The following PIK3CB variants were observed in gnomAD, a reference collection of about 807,000 sequenced individuals.
PIK3CB encodes phosphatidylinositol-4,5-bisphosphate 3-kinase catalytic subunit beta.
PIK3CB carries 39 observed loss-of-function variants against 136.8 expected under a neutral mutation model. The observed-to-expected ratio is 0.29, with a 90% CI of 0.22 to 0.37. The LOEUF (loss-of-function observed/expected upper bound fraction) is 0.37, where lower values mean the gene tolerates loss of function less well. Ranked by LOEUF, PIK3CB falls within the 10% of genes least tolerant of loss-of-function variation. The pLI is 1.00. For synonymous variants in PIK3CB, 428 were observed against 436.6 expected (o/e 0.98, Z 0.25); for missense variants, 868 against 1,275.4 (o/e 0.68, Z 4.87).
chr3:138,829,524 G>C (rs997690989), intron 1 of PIK3CB, among the ~76,000 whole-genome samples: 1 of 152,154 alleles, frequency 6.6e-6, no homozygotes, highest in Non-Finnish European at 1.5e-5. Flanking sequence ...TTGGCTGAGC[G>C]TACAGTGAGG....
At position 138,654,832 on chromosome 3, in the gene PIK3CB, T is replaced by C. The variant is rs1424738990; in HGVS notation, c.*557A>G. 4.7e-6 allele frequency: 1 copy of C among 210,844 alleles called. No homozygotes were observed. 13.1% of individuals were successfully genotyped at this position (210,844 alleles called of 1,614,324 possible). On this transcript the variant is annotated 3_prime_UTR_variant, in exon 24 of 24. Transcript: ENST00000674063. ...GGAATGATGCTATCATGGAAATAAA[T>C]ATTAACAAAAGAATTAATGAGTATC...
intron 1 of PIK3CB, among the ~76,000 whole-genome samples, chr3:138,801,987 G>A (rs752265790): frequency 4.0e-5 from 6 of 151,530 alleles, no homozygotes; most frequent in Admixed American, 6.6e-5. Context: ...AGGCTGCAGT[G>A]AACTATGATG....
chr3:138,704,902 G>A (rs1336636640), intron 11 of PIK3CB, among the ~76,000 whole-genome samples: 1 of 151,564 alleles, frequency 6.6e-6, no homozygotes, highest in African/African-American at 2.4e-5. Flanking sequence ...TAGAAGTAAC[G>A]ACAATATCTA....
At chr3:138,675,396 T>C (rs559551956) in intron 19 of PIK3CB, among the ~76,000 whole-genome samples, 1 of 152,100 alleles carries the variant, frequency 6.6e-6, no homozygotes, top group African/African-American at 2.4e-5. Flanking sequence ...AGAAAAAATA[T>C]ATGAAAAAAT....
In PIK3CB at chr3:138,801,061, G is replaced by A. The variant is rs548636419; in HGVS notation, c.-121-4494C>T. 2.0e-4 allele frequency among the ~76,000 whole-genome samples: 31 copies of A among 152,190 alleles called. 1 individual carries two copies. The South Asian group carries it at 6.4e-3, about 32-fold the overall frequency. On this transcript the variant is annotated intron_variant, in intron 1 of 23. Coordinates refer to ENST00000674063, the MANE Select transcript of PIK3CB (RefSeq NM_006219.3). ...TCTTTCTTCTTACTCAATTCATTAT[G>A]TAGGATGTAGCCTACTTATTACAGT...
At chr3:138,811,122 G>C (rs868309882) in intron 1 of PIK3CB, among the ~76,000 whole-genome samples, 1 of 151,048 alleles carries the variant, frequency 6.6e-6, no homozygotes, top group Middle Eastern at 3.4e-3. Context: ...AGTTACTCAG[G>C]AGGCTGAGGC....
At chr3:138,792,065 C>T (rs2046057333) in intron 2 of PIK3CB, among the ~76,000 whole-genome samples, 1 of 152,108 alleles carries the variant, frequency 6.6e-6, no homozygotes, top group South Asian at 2.1e-4. Context: ...CCTGGTGGTG[C>T]ATGCCTGTAA....
chr3:138,688,728 A>G, intron 16 of PIK3CB, 147 bp downstream of exon 16: 1 of 556,470 alleles, frequency 1.8e-6, no homozygotes, highest in Non-Finnish European at 3.3e-6. Flanking sequence ...CTTCTATGAA[A>G]TAATGTGGTG....
At chr3:138,775,978 A>C (rs921261164) in intron 2 of PIK3CB, among the ~76,000 whole-genome samples, 1 of 152,196 alleles carries the variant, frequency 6.6e-6, no homozygotes, top group Non-Finnish European at 1.5e-5. Context: ...TGGGTGGATC[A>C]CCTGAGGTCA....
chr3:138,656,188 G>GCAGT lies in PIK3CB; in HGVS notation c.3025_3028dup (p.Ala1010AspfsTer6). On this transcript the variant is annotated frameshift_variant, in exon 23 of 24. Coordinates refer to ENST00000674063, the MANE Select transcript of PIK3CB (RefSeq NM_006219.3). LOFTEE classifies it high-confidence loss of function. ...GACTGATGTGAGTTCAGGAAGCCCT[G>GCAGT]CAGTCAACATCAGCGCAAAGAGAGT... The GCAGT allele has an allele frequency of 1.9e-6, 3 of 1,614,102 alleles. No homozygotes were observed. Among genetic ancestry groups the GCAGT allele is most frequent in the Non-Finnish European group, 2.5e-6 (3 of 1,179,972 alleles).
intron 14 of PIK3CB, among the ~76,000 whole-genome samples, chr3:138,692,732 ATAG>A (rs2044035122): frequency 1.3e-5 from 2 of 152,222 alleles, no homozygotes; most frequent in Non-Finnish European, 2.9e-5. Flanking sequence ...AAAAAGGATC[ATAG>A]TATCCACACT....
intron 21 of PIK3CB, among the ~76,000 whole-genome samples, chr3:138,658,818 C>T (rs2043235938): frequency 6.6e-6 from 1 of 152,176 alleles, no homozygotes; most frequent in Non-Finnish European, 1.5e-5. Context: ...ATGACCTTAG[C>T]ATTAATTCTT....
intron 19 of PIK3CB, among the ~76,000 whole-genome samples, chr3:138,675,372 T>C (rs941262547): frequency 1.3e-5 from 2 of 151,554 alleles, no homozygotes; most frequent in Non-Finnish European, 1.5e-5. Context: ...AAGAAGGAGA[T>C]GAGAGAGAGA....
At chr3:138,748,863 A>G (rs997608401) in intron 4 of PIK3CB, among the ~76,000 whole-genome samples, 1 of 152,172 alleles carries the variant, frequency 6.6e-6, no homozygotes, top group African/African-American at 2.4e-5. Context: ...TTTTTATTCC[A>G]TAAAATTAAT....
chr3:138,714,755 T>C (rs1189237370), intron 8 of PIK3CB, 36 bp from the exon 9 acceptor site: 54 of 1,544,432 alleles, frequency 3.5e-5, no homozygotes, highest in Non-Finnish European at 4.7e-5. Flanking sequence ...AACAAAGTCA[T>C]GAATACTGTA....
At chr3:138,825,165 G>T (rs1933727421) in intron 1 of PIK3CB, 2 of 289,750 alleles carry the variant, frequency 6.9e-6, no homozygotes, top group South Asian at 1.3e-4. Flanking sequence ...TATCACCATT[G>T]GTATCTCCCT....
At chr3:138,708,907 T>A (rs572472613) in intron 10 of PIK3CB, among the ~76,000 whole-genome samples, 2 of 152,118 alleles carry the variant, frequency 1.3e-5, no homozygotes, top group African/African-American at 2.4e-5. Flanking sequence ...ATAGAGGTAA[T>A]CCTTTAGCCT....
chr3:138,815,410 T>A, intron 1 of PIK3CB, among the ~76,000 whole-genome samples: 1 of 122,492 alleles, frequency 8.2e-6, no homozygotes, highest in Non-Finnish European at 1.8e-5. Flanking sequence ...TACAAATTCT[T>A]AATGCCTGGT....
chr3:138,667,958 C>T (rs1201136746), intron 19 of PIK3CB, among the ~76,000 whole-genome samples: 1 of 151,554 alleles, frequency 6.6e-6, no homozygotes, highest in East Asian at 2.0e-4. Context: ...ATCCCAGCTA[C>T]TCAGGAGGCT....
Sources: allele counts gnomAD v4.1 joint callset (sites outside exome capture counted in the v4.1 genomes callset), GRCh38; gene constraint gnomAD v4.1.1; transcripts MANE v1.5; gene names NCBI Gene and HGNC (gene_info 2026-07-23, HGNC 2026-07-21).